Variants in GART observed in about 807,000 individuals in gnomAD.
The protein encoded by GART is phosphoribosylglycinamide formyltransferase, phosphoribosylglycinamide synthetase, phosphoribosylaminoimidazole synthetase, also known as trifunctional purine biosynthetic protein adenosine-3.
Under a neutral mutation model 107.2 loss-of-function variants are expected in GART, and 43 were observed. The observed-to-expected ratio is 0.40, with a 90% CI of 0.31 to 0.52. The LOEUF is 0.52. Among genes scored for constraint, GART ranks in the 20% least tolerant of loss-of-function variants. The pLI, the probability that GART is intolerant of heterozygous loss-of-function variation, is 0.52. For missense variants in GART, 1,107 were observed against 1,206.5 expected (o/e 0.92, Z 1.22); for synonymous variants, 434 against 427.0 (o/e 1.02, Z -0.20).
intron 10 of GART, among the ~76,000 whole-genome samples, chr21:33,527,185 G>A (rs2085089173): frequency 6.6e-6 from 1 of 152,158 alleles, no homozygotes; most frequent in African/African-American, 2.4e-5. Context: ...CAATGGACTT[G>A]GTGTCTGGGC....
chr21:33,542,093 T>A lies in GART; in HGVS notation c.-70A>T, dbSNP rs1013155546. The A allele has an allele frequency of 6.6e-6, 1 of 152,226 alleles. No individual in the cohort carries two copies. Among genetic ancestry groups the A allele is most frequent in the Non-Finnish European group, 1.5e-5 (1 of 68,054 alleles). 9.4% of individuals were successfully genotyped at this position (152,226 alleles called of 1,614,324 possible). Reference sequence around the variant, plus strand: ...CACCGGGTGGCCACCTGGTTCCCGCTTGCCCGCTCGCCGGAAGTCGGCCCA... The same window carrying A: ...CACCGGGTGGCCACCTGGTTCCCGCATGCCCGCTCGCCGGAAGTCGGCCCA... On this transcript the variant is annotated 5_prime_UTR_variant, in exon 1 of 22. The change creates a new upstream start codon in the 5' untranslated region. Transcript: ENST00000381815.
At chr21:33,525,262 C>T (rs1450378965) in intron 10 of GART, among the ~76,000 whole-genome samples, 8 of 151,828 alleles carry the variant, frequency 5.3e-5, no homozygotes, top group African/African-American at 1.2e-4. Flanking sequence ...CCAAGTGTGG[C>T]GGCACACACC....
intron 14 of GART, chr21:33,518,812 A>G: frequency 1.9e-6 from 1 of 521,176 alleles, no homozygotes; most frequent in Admixed American, 2.0e-5. Context: ...TCCTTAAACT[A>G]GTCAGATTGT....
Position 33,506,007 on chromosome 21 carries a change from T to C in GART, c.2550A>G (p.Leu850=). 6.2e-7 allele frequency: 1 copy of C among 1,614,232 alleles called. No homozygotes were observed. The highest frequency in any genetic ancestry group is 1.7e-5 in the Admixed American group (1 of 60,018). The change falls in exon 19 of 22, where the codon TTA becomes TTG. Residue 850 remains leucine (L), a synonymous_variant. Coordinates refer to ENST00000381815, the MANE Select transcript of GART (RefSeq NM_000819.5). ...GAATACCAGCTCTTTCCGCTTTATC[T>C]AACCCAGCTACTGCGGCTTTGTTGG... ...VISNKAAVAG[L]DKAERAGIPT... is the part of the protein sequence containing the mutation.
rs2085209954 is a variant in GART at position 33,532,405 on chromosome 21, T to C, written c.468A>G (p.Lys156=). The C allele has an allele frequency of 6.2e-7, 1 of 1,613,868 alleles. No individual in the cohort carries two copies. Among genetic ancestry groups the C allele is most frequent in the East Asian group, 2.2e-5 (1 of 44,882 alleles). The change falls in exon 5 of 22, where the codon AAA becomes AAG. Residue 156 remains lysine (K), a synonymous_variant. Transcript: ENST00000381815. ...CTTTGCTCTTTGCAACAATCACCCCTTTTCCAGCTGCAAGACCACTGGCCT... is the reference window on the plus strand; with the variant it reads ...CTTTGCTCTTTGCAACAATCACCCCCTTTCCAGCTGCAAGACCACTGGCCT... ...VVKASGLAAG[K]GVIVAKSKEE... is the part of the protein sequence containing the mutation.
rs2085111065 is a variant in GART, at chr21:33,528,224, C to T, written c.1009G>A (p.Val337Ile). Residue 337 changes from valine to isoleucine, a missense_variant, in exon 10 of 22, where the codon GTT becomes ATT. Coordinates refer to ENST00000381815, the MANE Select transcript of GART (RefSeq NM_000819.5). ...VWLENHTALT[V>I]VMASKGYPGD... ...GGATAACCTTTACTTGCCATGACAA[C>T]AGTTAGGGCGGTGTGGTTTTCTAGC... 2 of 1,614,056 alleles carry T rather than the reference C, an allele frequency of 1.2e-6. No individual in the cohort carries two copies. Among genetic ancestry groups the T allele is most frequent in the African/African-American group, 1.3e-5 (1 of 74,998 alleles).
rs1480100783 is a variant in GART, at chr21:33,528,246, T to C, written c.987A>G (p.Leu329=). The C allele has an allele frequency of 2.5e-6, 4 of 1,614,130 alleles. No individual in the cohort carries two copies. The South Asian group carries it at 4.4e-5, about 18-fold the overall frequency. ...CAACAGTTAGGGCGGTGTGGTTTTC[T>C]AGCCAAACAGGCAGAGATGTGCAGA... is the stretch of plus-strand genomic sequence containing the variant. ...GLLCTSLPVW[L]ENHTALTVVM... Residue 329 remains leucine (L), a synonymous_variant, in exon 10 of 22, where the codon CTA becomes CTG. Coordinates refer to ENST00000381815, the MANE Select transcript of GART (RefSeq NM_000819.5).
At chr21:33,523,186 G>C (rs2085003492) in intron 11 of GART, among the ~76,000 whole-genome samples, 1 of 152,106 alleles carries the variant, frequency 6.6e-6, no homozygotes, top group Admixed American at 6.5e-5. Context: ...GGGATGCAGT[G>C]ATACATGAAG....
chr21:33,529,250 C>T (rs980053210), intron 7 of GART, among the ~76,000 whole-genome samples: 10 of 152,046 alleles, frequency 6.6e-5, no homozygotes, highest in Non-Finnish European at 1.3e-4. Context: ...TCCCAGTATA[C>T]GCTGCATATT....
At chr21:33,521,062 C>A (rs1168109403) in intron 12 of GART, 47 bp from the exon 13 acceptor site, 3 of 1,443,166 alleles carry the variant, frequency 2.1e-6, no homozygotes, top group Non-Finnish European at 2.9e-6. Flanking sequence ...ATAGATTAAA[C>A]ATGTAATTAT....
At chr21:33,542,349 G>C (rs953601519), upstream of GART, 4 of 152,364 alleles carry the variant, frequency 2.6e-5, no homozygotes, top group Admixed American at 2.6e-4. Flanking sequence ...GGAGCGCCGG[G>C]GGGGAGCGCC....
intron 16 of GART, among the ~76,000 whole-genome samples, chr21:33,512,152 C>T (rs536150586): frequency 7.9e-5 from 12 of 151,698 alleles, no homozygotes; most frequent in South Asian, 2.1e-4. Context: ...GGCGTGGTGG[C>T]GCACACCTGT....
At chr21:33,513,083 TTG>T (rs760260690) in intron 16 of GART, among the ~76,000 whole-genome samples, 61 of 142,138 alleles carry the variant, frequency 4.3e-4, no homozygotes, top group Middle Eastern at 3.5e-3. Flanking sequence ...ACTTGGTTAT[TTG>T]TGTGTGTGTG....
intron 8 of GART, 97 bp downstream of exon 8, chr21:33,528,753 T>A (rs2085124091): frequency 4.3e-6 from 4 of 940,096 alleles, no homozygotes; most frequent in Non-Finnish European, 3.1e-6. Flanking sequence ...CATTAAAAAG[T>A]GGTAAAAAAA....
intron 14 of GART, chr21:33,518,910 C>T (rs2084922819): frequency 2.0e-6 from 1 of 511,286 alleles, no homozygotes; most frequent in Admixed American, 2.1e-5. Flanking sequence ...TGTTCACTGC[C>T]CCAGAGAAAT....
In GART at chr21:33,503,948, A is replaced by G. The variant is rs1437902586; in HGVS notation, c.*176T>C. Reference sequence around the variant, plus strand: ...AAACTGTATGTCTCAGATATGCTGCACTAACTAGTCTTGTTTTTAGTGAGT... The same window carrying G: ...AAACTGTATGTCTCAGATATGCTGCGCTAACTAGTCTTGTTTTTAGTGAGT... On this transcript the variant is annotated 3_prime_UTR_variant, in exon 22 of 22. Transcript: ENST00000381815. 18 of 530,430 alleles carry G rather than the reference A, an allele frequency of 3.4e-5. No individual in the cohort carries two copies. Among genetic ancestry groups the G allele is most frequent in the Non-Finnish European group, 5.5e-5 (17 of 306,568 alleles). 32.9% of individuals were successfully genotyped at this position (530,430 alleles called of 1,614,324 possible). A position where few individuals can be genotyped will look rare whatever the true frequency, so the allele number is the denominator to read the frequency against.
At chr21:33,531,167 C>A in intron 6 of GART, 4 of 392,708 alleles carry the variant, frequency 1.0e-5, no homozygotes, top group Middle Eastern at 6.7e-4. Flanking sequence ...AGCTTCCAGG[C>A]ATTAAAACTT....
chr21:33,520,393 G>C lies in GART; in HGVS notation c.1673C>G (p.Ala558Gly). Residue 558 changes from alanine (A) to glycine (G), a missense_variant, in exon 14 of 22, where the codon GCT (alanine) becomes GGT (glycine). Coordinates refer to ENST00000381815, the MANE Select transcript of GART (RefSeq NM_000819.5). ...TEAVVAGIAK[A>G]CGKAGCALLG... Reference sequence around the variant, plus strand: ...GAGAGCACATCCAGCTTTTCCACAAGCTTTAGCAATTCCAGCAACAACAGC... The same window carrying C: ...GAGAGCACATCCAGCTTTTCCACAACCTTTAGCAATTCCAGCAACAACAGC... 6.2e-7 allele frequency: 1 copy of C among 1,614,126 alleles called. No individual in the cohort carries two copies.
At chr21:33,508,193 T>C (rs571513016) in intron 18 of GART, among the ~76,000 whole-genome samples, 45 of 152,168 alleles carry the variant, frequency 3.0e-4, no homozygotes, top group Non-Finnish European at 5.3e-4. Context: ...CTGTATCTTG[T>C]GATCTAGCAT....
Sources: gnomAD v4.1 joint callset for allele counts (sites outside exome capture counted in the v4.1 genomes callset) on GRCh38, gnomAD v4.1.1 for gene constraint, MANE v1.5 for transcripts, NCBI Gene and HGNC (gene_info 2026-07-23, HGNC 2026-07-21) for gene names.